Variants in ANKMY1 observed in about 807,000 individuals in gnomAD.
ANKMY1 encodes ankyrin repeat and MYND domain containing 1, also known as ankyrin repeat and MYND domain-containing protein 1.
ANKMY1 carries 98 observed loss-of-function variants against 102.0 expected under a neutral mutation model. The ratio of observed to expected loss-of-function variants is 0.96; its 90% CI spans 0.82 to 1.14. ANKMY1 has a LOEUF of 1.14. Ranked by LOEUF, ANKMY1 falls within the 50% of genes most tolerant of loss-of-function variation. The probability of loss-of-function intolerance (pLI) is 0.00; values close to 1 mark genes in which losing one functional copy is unlikely to be tolerated. For missense variants in ANKMY1, 1,330 were observed against 1,347.6 expected, an observed-to-expected ratio of 0.99 and a Z score of 0.20; for synonymous variants, 582 against 559.9, an observed-to-expected ratio of 1.04 and a Z score of -0.56.
At position 240,512,959 on chromosome 2, in the gene ANKMY1, G is replaced by A. The variant is rs141020687; in HGVS notation, c.2005-17C>T. On this transcript the variant is annotated splice_polypyrimidine_tract_variant and intron_variant, in intron 9 of 17. Transcript: ENST00000401804. ...GGTGCTCAGCTGCAGAGGAAACACC[G>A]GGGCGGGCAGTGAGGCACATTCTCG... is the stretch of plus-strand genomic sequence containing the variant. 9.1e-4 allele frequency: 1,463 copies of A among 1,606,968 alleles called. 16 individuals carry two copies. The African/African-American group carries it at 0.016, about 18-fold the overall frequency.
chr2:240,516,933 AT>A (rs1293318571), intron 9 of ANKMY1, among the ~76,000 whole-genome samples: 1 of 152,112 alleles, frequency 6.6e-6, no homozygotes, highest in South Asian at 2.1e-4. Flanking sequence ...TTTTTGTTTC[AT>A]TTTTTGGAGT....
intron 13 of ANKMY1, among the ~76,000 whole-genome samples, chr2:240,502,048 G>A (rs1184310345): frequency 6.6e-6 from 1 of 152,224 alleles, no homozygotes; most frequent in African/African-American, 2.4e-5. Context: ...GGAAAAGGTG[G>A]GCAGATGGTT....
chr2:240,550,076 T>C (rs1575350374), intron 4 of ANKMY1, among the ~76,000 whole-genome samples: 1 of 151,988 alleles, frequency 6.6e-6, no homozygotes, highest in East Asian at 1.9e-4. Context: ...CGTATGTTTA[T>C]TGTGGCATTA....
intron 15 of ANKMY1, among the ~76,000 whole-genome samples, chr2:240,482,693 T>C (rs1425551877): frequency 6.6e-6 from 1 of 152,382 alleles, no homozygotes; most frequent in East Asian, 1.9e-4. Flanking sequence ...TCTCTTAACA[T>C]GATTAAGGGA....
At chr2:240,476,677 A>G (rs1291714179), downstream of ANKMY1, among the ~76,000 whole-genome samples, 1 of 152,216 alleles carries the variant, frequency 6.6e-6, no homozygotes, top group Non-Finnish European at 1.5e-5. Context: ...TTACTCGATC[A>G]CGCCCATTGT....
intron 15 of ANKMY1, among the ~76,000 whole-genome samples, chr2:240,487,669 G>C (rs1375856805): frequency 1.3e-5 from 2 of 152,060 alleles, no homozygotes; most frequent in Non-Finnish European, 2.9e-5. Context: ...CATTCTGACT[G>C]ATTTGCATTT....
In ANKMY1 at chr2:240,523,636, C is replaced by T. The variant is rs2082750933; in HGVS notation, c.1832+249G>A. On this transcript the variant is annotated intron_variant, in intron 8 of 17. Coordinates refer to ENST00000401804, the MANE Select transcript of ANKMY1 (RefSeq NM_001282771.3). ...AGGCCAAAGCAGGGCTGGCGTGGTA[C>T]TGAAAACAGCCCGTCACCGTGGCAC... 4.3e-5 allele frequency: 26 copies of T among 605,052 alleles called. 1 individual carries two copies. The South Asian group carries it at 5.1e-4, about 12-fold the overall frequency. 37.5% of individuals were successfully genotyped at this position (605,052 alleles called of 1,614,324 possible).
chr2:240,557,127 A>G, intron 2 of ANKMY1, 63 bp downstream of exon 2: 1 of 1,386,518 alleles, frequency 7.2e-7, no homozygotes, highest in Non-Finnish European at 9.5e-7. Context: ...CCTTAAGGAG[A>G]ATCCCGGCTA....
rs142873066 is a variant in ANKMY1, at chr2:240,496,711, G to A, written c.2806+3247C>T. ...GGTTTGGACAAGGATCTCTTTGACTGTCTCCTTCCATGACCAAACGCTCCT... is the reference window on the plus strand; with the variant it reads ...GGTTTGGACAAGGATCTCTTTGACTATCTCCTTCCATGACCAAACGCTCCT... On this transcript the variant is annotated intron_variant, in intron 15 of 17. Coordinates refer to ENST00000401804, the MANE Select transcript of ANKMY1 (RefSeq NM_001282771.3). Among the ~76,000 whole-genome samples the A allele has an allele frequency of 4.2e-3, 647 of 152,280 alleles. 5 individuals are homozygous for A. The highest frequency in any genetic ancestry group is 0.015 in the African/African-American group (624 of 41,548).
chr2:240,532,052 G>A (rs1034678638), intron 4 of ANKMY1: 3 of 463,796 alleles, frequency 6.5e-6, no homozygotes, highest in Admixed American at 2.4e-5. Context: ...AGAGAGAGAG[G>A]AGAGAGAATG....
chr2:240,516,328 G>C (rs1159459941), intron 9 of ANKMY1, among the ~76,000 whole-genome samples: 1 of 151,884 alleles, frequency 6.6e-6, no homozygotes, highest in Non-Finnish European at 1.5e-5. Flanking sequence ...CTTTTTGGGG[G>C]GTATTGGGTC....
chr2:240,540,766 C>T (rs1486926175), intron 4 of ANKMY1, among the ~76,000 whole-genome samples: 2 of 152,158 alleles, frequency 1.3e-5, no homozygotes, highest in African/African-American at 2.4e-5. Flanking sequence ...TAGACTGAAC[C>T]CGTGATGTTT....
At chr2:240,472,394 A>G in the ANKMY1 span, among the ~76,000 whole-genome samples, 23 of 152,128 alleles carry the variant, frequency 1.5e-4, no homozygotes, top group Admixed American at 3.9e-4. Flanking sequence ...GACAGGAGGC[A>G]TGCCCATCTG....
the ANKMY1 span, among the ~76,000 whole-genome samples, chr2:240,473,393 C>A: frequency 7.1e-6 from 1 of 140,310 alleles, no homozygotes; most frequent in Admixed American, 7.1e-5. Flanking sequence ...TTGAAAAATT[C>A]AATAAAGAGC....
At chr2:240,555,858 A>C (rs907434419) in intron 2 of ANKMY1, among the ~76,000 whole-genome samples, 1 of 151,440 alleles carries the variant, frequency 6.6e-6, no homozygotes, top group Non-Finnish European at 1.5e-5. Flanking sequence ...GGTGCCTCAG[A>C]CCATGAAAGA....
At chr2:240,507,368 C>T (rs113358855) in intron 13 of ANKMY1, among the ~76,000 whole-genome samples, 192 bp downstream of exon 13, 4,789 of 144,784 alleles carry the variant, frequency 0.033, 105 homozygotes, top group South Asian at 0.071. Context: ...ACCTCCCGCC[C>T]CCCCTCACCA....
intron 4 of ANKMY1, among the ~76,000 whole-genome samples, chr2:240,540,991 G>T (rs992711366): frequency 2.0e-5 from 3 of 152,170 alleles, no homozygotes; most frequent in Admixed American, 2.0e-4. Context: ...ATAGGTGAGT[G>T]TCCTTTGTGG....
At chr2:240,514,952 G>T (rs2080913372) in intron 9 of ANKMY1, among the ~76,000 whole-genome samples, 2 of 152,246 alleles carry the variant, frequency 1.3e-5, no homozygotes, top group African/African-American at 4.8e-5. Flanking sequence ...CCACAGTGCT[G>T]ATGTTCTGCT....
chr2:240,547,255 A>G (rs1370331554), intron 4 of ANKMY1, among the ~76,000 whole-genome samples: 2 of 152,242 alleles, frequency 1.3e-5, no homozygotes, highest in Non-Finnish European at 2.9e-5. Flanking sequence ...CTTGCTCCTG[A>G]ATGACTACTG....
Sources: gnomAD v4.1 joint callset for allele counts (sites outside exome capture counted in the v4.1 genomes callset) on GRCh38, gnomAD v4.1.1 for gene constraint, MANE v1.5 for transcripts, NCBI Gene and HGNC (gene_info 2026-07-23, HGNC 2026-07-21) for gene names.